The following NEGR1 variants were observed in gnomAD, a reference collection of about 807,000 sequenced individuals.
NEGR1 encodes the protein neuronal growth regulator 1.
NEGR1 carries 10 observed loss-of-function variants against 40.9 expected under a neutral mutation model. The observed-to-expected ratio is 0.24, with a 90% CI of 0.15 to 0.42. The LOEUF is 0.42. Among genes scored for constraint, NEGR1 ranks in the 10% least tolerant of loss-of-function variants. The probability of loss-of-function intolerance (pLI) is 1.00; values close to 1 mark genes in which losing one functional copy is unlikely to be tolerated. For missense variants in NEGR1, 352 were observed against 438.9 expected (o/e 0.80, Z 1.77); for synonymous variants, 185 against 166.8 (o/e 1.11, Z -0.84).
chr1:71,949,949 CA>C (rs35216762), intron 1 of NEGR1, among the ~76,000 whole-genome samples: 5,561 of 151,754 alleles, frequency 0.037, 341 homozygotes, highest in African/African-American at 0.13. Flanking sequence ...AAGAAAAACT[CA>C]AGAGGCCAGG....
At chr1:71,842,185 T>C (rs1659265054) in intron 2 of NEGR1, among the ~76,000 whole-genome samples, 1 of 152,152 alleles carries the variant, frequency 6.6e-6, no homozygotes, top group South Asian at 2.1e-4. Context: ...TGCTTGACGA[T>C]CTGGCTTTGT....
chr1:71,991,589 C>T (rs1278850026), intron 1 of NEGR1, among the ~76,000 whole-genome samples: 5 of 152,154 alleles, frequency 3.3e-5, no homozygotes, highest in African/African-American at 7.2e-5. Flanking sequence ...GATCTCTGCA[C>T]TCTCATACAA....
chr1:72,222,607 G>A lies in NEGR1; in HGVS notation c.176+59712C>T, dbSNP rs536444673. Among the ~76,000 whole-genome samples, 8 of 152,250 alleles carry A rather than the reference G, an allele frequency of 5.3e-5. No homozygotes were observed. In the South Asian group the frequency reaches 1.7e-3, roughly 32 times the overall value. On this transcript the variant is annotated intron_variant, in intron 1 of 6. Transcript: ENST00000357731. Reference sequence around the variant, plus strand: ...GAAACTCAGCAAGCTTCTAGAGGTAGTGAGGTTCTCTATCCTTACACCTGA... The same window carrying A: ...GAAACTCAGCAAGCTTCTAGAGGTAATGAGGTTCTCTATCCTTACACCTGA...
At chr1:71,867,800 A>T (rs1481001502) in intron 2 of NEGR1, among the ~76,000 whole-genome samples, 1 of 152,152 alleles carries the variant, frequency 6.6e-6, no homozygotes, top group Non-Finnish European at 1.5e-5. Flanking sequence ...TCTTAACATG[A>T]TAGTTACTTC....
At chr1:71,981,140 C>A (rs1202886657) in intron 1 of NEGR1, among the ~76,000 whole-genome samples, 2 of 152,030 alleles carry the variant, frequency 1.3e-5, no homozygotes, top group Non-Finnish European at 2.9e-5. Flanking sequence ...TAAAATGAAT[C>A]TAATAGTAGA....
chr1:72,273,211 T>C (rs1034693688), intron 1 of NEGR1, among the ~76,000 whole-genome samples: 3 of 152,010 alleles, frequency 2.0e-5, no homozygotes, highest in African/African-American at 7.2e-5. Context: ...AAAGTTATGC[T>C]CTGGTTTGGG....
chr1:71,599,122 AGTGT>A (rs1265668322), intron 5 of NEGR1, among the ~76,000 whole-genome samples: 2 of 152,196 alleles, frequency 1.3e-5, no homozygotes, highest in Admixed American at 1.3e-4. Flanking sequence ...CCAATCACAA[AGTGT>A]TAATGTTAAA....
At chr1:71,958,833 T>C (rs1208728887) in intron 1 of NEGR1, among the ~76,000 whole-genome samples, 1 of 151,802 alleles carries the variant, frequency 6.6e-6, no homozygotes, top group East Asian at 1.9e-4. Flanking sequence ...CAGGTGCCTG[T>C]AATCCCAGCT....
intron 2 of NEGR1, among the ~76,000 whole-genome samples, chr1:71,784,952 A>G (rs190383478): frequency 6.6e-6 from 1 of 152,216 alleles, no homozygotes; most frequent in Admixed American, 6.5e-5. Context: ...TTTTGAAGAC[A>G]AAAACACAAC....
At chr1:71,533,924 G>T (rs1171455207) in intron 6 of NEGR1, among the ~76,000 whole-genome samples, 1 of 151,584 alleles carries the variant, frequency 6.6e-6, no homozygotes, top group African/African-American at 2.4e-5. Flanking sequence ...CCTTAATTCA[G>T]CACTCATTTC....
chr1:71,857,480 T>A (rs61765277), intron 2 of NEGR1, among the ~76,000 whole-genome samples: 1 of 142,852 alleles, frequency 7.0e-6, no homozygotes, highest in Non-Finnish European at 1.5e-5. Flanking sequence ...AAAAAAAAAT[T>A]AGCTGGGCTT....
intron 6 of NEGR1, among the ~76,000 whole-genome samples, chr1:71,457,823 T>C (rs1646684488): frequency 6.6e-6 from 1 of 152,084 alleles, no homozygotes; most frequent in African/African-American, 2.4e-5. Context: ...TGCCTCAGCC[T>C]CCTGAGTAGC....
intron 4 of NEGR1, among the ~76,000 whole-genome samples, chr1:71,669,411 CTTT>C (rs537953968): frequency 6.6e-6 from 1 of 151,794 alleles, no homozygotes; most frequent in Non-Finnish European, 1.5e-5. Context: ...ATTTTCTCTT[CTTT>C]TTTACTTTCT....
intron 1 of NEGR1, among the ~76,000 whole-genome samples, chr1:72,107,407 T>C (rs1649180057): frequency 6.6e-6 from 1 of 151,502 alleles, no homozygotes; most frequent in African/African-American, 2.4e-5. Context: ...GATACATAAA[T>C]TTTTTTTCAG....
chr1:71,944,879 A>G (rs1307306559), intron 1 of NEGR1, among the ~76,000 whole-genome samples: 1 of 152,198 alleles, frequency 6.6e-6, no homozygotes, highest in Non-Finnish European at 1.5e-5. Context: ...AGTAGCCATT[A>G]ACCCATATTT....
intron 4 of NEGR1, among the ~76,000 whole-genome samples, chr1:71,613,362 G>A (rs1650328762): frequency 6.6e-6 from 1 of 152,110 alleles, no homozygotes. Flanking sequence ...GAATTTTGGA[G>A]GGGGCTGTGT....
chr1:72,146,679 A>G (rs986661263), intron 1 of NEGR1, among the ~76,000 whole-genome samples: 4 of 152,204 alleles, frequency 2.6e-5, no homozygotes, highest in African/African-American at 7.2e-5. Context: ...ATATCTCTTT[A>G]CATATATGCA....
intron 1 of NEGR1, among the ~76,000 whole-genome samples, chr1:72,216,946 T>G (rs1653842333): frequency 6.6e-6 from 1 of 151,334 alleles, no homozygotes; most frequent in South Asian, 2.1e-4. Flanking sequence ...TTATTCAGTA[T>G]TTATATATTT....
At chr1:72,120,266 T>C (rs1261749384) in intron 1 of NEGR1, among the ~76,000 whole-genome samples, 2 of 151,970 alleles carry the variant, frequency 1.3e-5, no homozygotes, top group African/African-American at 4.8e-5. Flanking sequence ...TTTGACTGCA[T>C]TGTAAAAAGG....
Sources: gnomAD v4.1 joint callset for allele counts (sites outside exome capture counted in the v4.1 genomes callset) on GRCh38, gnomAD v4.1.1 for gene constraint, MANE v1.5 for transcripts, NCBI Gene and HGNC (gene_info 2026-07-23, HGNC 2026-07-21) for gene names.